Variants in TYW1 observed in about 807,000 individuals in gnomAD.
TYW1 encodes tRNA-yW synthesizing protein 1 homolog, also known as S-adenosyl-L-methionine-dependent tRNA 4-demethylwyosine synthase TYW1.
Under a neutral mutation model 96.2 loss-of-function variants are expected in TYW1, and 46 were observed. The observed-to-expected ratio is 0.48, with a 90% CI of 0.38 to 0.61. TYW1 has a LOEUF of 0.61. Ranked by LOEUF, TYW1 falls within the 20% of genes least tolerant of loss-of-function variation. TYW1 has a pLI of 0.00. For synonymous variants in TYW1, 274 were observed against 323.0 expected (o/e 0.85, Z 1.63); for missense variants, 684 against 909.6 (o/e 0.75, Z 3.19).
chr7:67,142,033 C>G (rs903282536), intron 13 of TYW1, among the ~76,000 whole-genome samples: 5 of 152,060 alleles, frequency 3.3e-5, no homozygotes, highest in Admixed American at 2.6e-4. Flanking sequence ...GAAACTCAGT[C>G]TCAAAAAAAG....
At chr7:67,088,690 A>G (rs944656805) in intron 11 of TYW1, among the ~76,000 whole-genome samples, 5 of 152,078 alleles carry the variant, frequency 3.3e-5, no homozygotes, top group African/African-American at 1.2e-4. Context: ...CAGCCTCTCA[A>G]ATATCTGGGA....
At chr7:67,110,606 A>T (rs1025526305) in intron 12 of TYW1, among the ~76,000 whole-genome samples, 6 of 152,222 alleles carry the variant, frequency 3.9e-5, no homozygotes, top group African/African-American at 1.4e-4. Context: ...CAAAAAAGAA[A>T]ACCAAGAAAC....
intron 15 of TYW1, among the ~76,000 whole-genome samples, chr7:67,222,474 A>AT (rs55809913): frequency 2.0e-5 from 3 of 151,698 alleles, no homozygotes; most frequent in Non-Finnish European, 4.4e-5. Context: ...CCTGGTTGAC[A>AT]TTTTTTTTCT....
At chr7:67,074,905 T>C (rs1052852002) in intron 10 of TYW1, among the ~76,000 whole-genome samples, 3 of 152,110 alleles carry the variant, frequency 2.0e-5, no homozygotes, top group African/African-American at 7.2e-5. Flanking sequence ...TGATCTTGGC[T>C]CACTGTAACC....
At chr7:67,133,262 C>G (rs566838777) in intron 13 of TYW1, among the ~76,000 whole-genome samples, 4 of 144,900 alleles carry the variant, frequency 2.8e-5, no homozygotes, top group East Asian at 1.9e-4. Flanking sequence ...TCAGTCCCCC[C>G]ACGAAGCTCG....
intron 7 of TYW1, 75 bp from the exon 8 acceptor site, chr7:67,049,874 G>T: frequency 6.4e-7 from 1 of 1,567,946 alleles, no homozygotes; most frequent in East Asian, 2.3e-5. Context: ...ATTGATGCTA[G>T]GTGTTCATGA....
At chr7:67,221,521 GTCATTTTGTTATTTC>G (rs1801390354) in intron 15 of TYW1, among the ~76,000 whole-genome samples, 1 of 152,158 alleles carries the variant, frequency 6.6e-6, no homozygotes, top group Admixed American at 6.5e-5. Context: ...ATTTACTTCT[GTCATTTTGTTATTTC>G]TCATATGCCT....
chr7:67,184,632 ATTTTAT>A (rs1356912632), intron 14 of TYW1, among the ~76,000 whole-genome samples: 75 of 87,324 alleles, frequency 8.6e-4, no homozygotes, highest in East Asian at 1.5e-3. Context: ...ATTTTATTTT[ATTTTAT>A]TTTATTTTAT....
chr7:67,203,420 CTGT>C (rs1278128788), intron 15 of TYW1, among the ~76,000 whole-genome samples: 1 of 152,136 alleles, frequency 6.6e-6, no homozygotes, highest in Non-Finnish European at 1.5e-5. Context: ...TTTCTCTGTA[CTGT>C]TGTTGAGTGC....
rs953553678 is a variant in TYW1, at chr7:67,086,423, G to GGTGTAT, written c.1384+2906_1384+2911dup. On this transcript the variant is annotated intron_variant, in intron 11 of 15. Transcript: ENST00000359626. ...GTTCTCCAGAAAAACAGAACCAGTGGGTGTATGTGTATGTGTATGTGTATG... is the reference window on the plus strand; with the variant it reads ...GTTCTCCAGAAAAACAGAACCAGTGGGTGTATGTGTATGTGTATGTGTATGTGTATG... Among the ~76,000 whole-genome samples the GGTGTAT allele has an allele frequency of 3.2e-4, 48 of 151,082 alleles. No individual in the cohort carries two copies. The East Asian group carries it at 4.7e-3, about 15-fold the overall frequency.
chr7:67,189,596 C>CAGGTTATT (rs1398372715), intron 14 of TYW1, among the ~76,000 whole-genome samples: 2 of 152,134 alleles, frequency 1.3e-5, no homozygotes, highest in Non-Finnish European at 2.9e-5. Flanking sequence ...TAGCCTAGGA[C>CAGGTTATT]AGGTTATTCA....
intron 15 of TYW1, among the ~76,000 whole-genome samples, chr7:67,195,992 ATGT>A: frequency 2.0e-5 from 3 of 152,048 alleles, no homozygotes; most frequent in Non-Finnish European, 4.4e-5. Context: ...TTCTCATTAT[ATGT>A]TCTCCTCTAG....
chr7:67,194,258 C>G (rs1362173237), intron 14 of TYW1, among the ~76,000 whole-genome samples: 3 of 151,920 alleles, frequency 2.0e-5, no homozygotes, highest in Non-Finnish European at 4.4e-5. Context: ...GGTACATGCA[C>G]AAATATATTT....
chr7:67,022,024 T>C (rs1481029660), intron 6 of TYW1, among the ~76,000 whole-genome samples: 3 of 152,114 alleles, frequency 2.0e-5, no homozygotes, highest in African/African-American at 2.4e-5. Flanking sequence ...GATCCTCCTA[T>C]CTCAGCCTCC....
chr7:67,086,723 A>G (rs968898463), intron 11 of TYW1, among the ~76,000 whole-genome samples: 2 of 152,168 alleles, frequency 1.3e-5, no homozygotes, highest in Non-Finnish European at 2.9e-5. Flanking sequence ...ATGACGGGCA[A>G]TCTACTTTAC....
At chr7:67,131,181 G>A (rs1163279713) in intron 13 of TYW1, among the ~76,000 whole-genome samples, 1 of 151,916 alleles carries the variant, frequency 6.6e-6, no homozygotes, top group Non-Finnish European at 1.5e-5. Flanking sequence ...TATTGTGTGT[G>A]TAATTTTGGG....
At chr7:67,055,551 A>G (rs1351159720) in intron 8 of TYW1, among the ~76,000 whole-genome samples, 1 of 151,542 alleles carries the variant, frequency 6.6e-6, no homozygotes, top group African/African-American at 2.4e-5. Flanking sequence ...GTGAGCTGAG[A>G]TCACAACACT....
At chr7:67,166,325 C>CATATATTATATATTAT (rs1190096821) in intron 13 of TYW1, among the ~76,000 whole-genome samples, 1 of 120,014 alleles carries the variant, frequency 8.3e-6, no homozygotes, top group African/African-American at 3.1e-5. Context: ...TAATATATAA[C>CATATATTATATATTAT]ATATATAATA....
At chr7:67,191,051 G>T (rs534891944) in intron 14 of TYW1, among the ~76,000 whole-genome samples, 26 of 152,306 alleles carry the variant, frequency 1.7e-4, no homozygotes, top group African/African-American at 5.5e-4. Flanking sequence ...TTGGTTCATG[G>T]TTCTGCAGGC....
Sources: gnomAD v4.1 joint callset for allele counts (sites outside exome capture counted in the v4.1 genomes callset) on GRCh38, gnomAD v4.1.1 for gene constraint, MANE v1.5 for transcripts, NCBI Gene and HGNC (gene_info 2026-07-23, HGNC 2026-07-21) for gene names.